The following RAP1B variants were observed in gnomAD, a reference collection of about 807,000 sequenced individuals.
RAP1B encodes the protein ras-related protein Rap-1b.
In RAP1B, 1 loss-of-function variant was observed where a neutral mutation model predicts 27.5. The ratio of observed to expected loss-of-function variants is 0.04; its 90% CI spans 0.01 to 0.17. The LOEUF (loss-of-function observed/expected upper bound fraction) is 0.17, where lower values mean the gene tolerates loss of function less well. Among genes scored for constraint, RAP1B ranks in the 10% least tolerant of loss-of-function variants. The pLI is 1.00. For synonymous variants in RAP1B, 75 were observed against 73.1 expected (o/e 1.03, Z -0.13); for missense variants, 84 against 214.8 (o/e 0.39, Z 3.81).
chr12:68,654,634 T>C (rs776046374), intron 5 of RAP1B, among the ~76,000 whole-genome samples: 2 of 151,908 alleles, frequency 1.3e-5, no homozygotes, highest in African/African-American at 4.8e-5. Context: ...CCTGCCACCA[T>C]GCCCAGCTAG....
intron 1 of RAP1B, among the ~76,000 whole-genome samples, chr12:68,634,573 G>C (rs1872498516): frequency 1.3e-5 from 2 of 151,160 alleles, no homozygotes; most frequent in Middle Eastern, 3.5e-3. Flanking sequence ...GTGATCTTGA[G>C]CCTATATTAT....
At chr12:68,631,311 T>A (rs2135934534) in intron 1 of RAP1B, among the ~76,000 whole-genome samples, 1 of 152,192 alleles carries the variant, frequency 6.6e-6, no homozygotes, top group East Asian at 1.9e-4. Context: ...CTGACCTCAT[T>A]TTTTGTTTTT....
chr12:68,671,478 A>C lies in RAP1B; in HGVS notation c.*12229A>C, dbSNP rs1031519686. ...GCATAATATAGAACATTATGCATTC[A>C]TTTAAAAATGAGTTTGATGTTTAAA... On this transcript the variant is annotated 3_prime_UTR_variant, in exon 8 of 8. Transcript: ENST00000250559. The C allele has an allele frequency of 2.0e-5, 3 of 152,242 alleles. No homozygotes were observed. The highest frequency in any genetic ancestry group is 7.2e-5 in the African/African-American group (3 of 41,468). 9.4% of individuals were successfully genotyped at this position (152,242 alleles called of 1,614,324 possible). A position where few individuals can be genotyped will look rare whatever the true frequency, so the allele number is the denominator to read the frequency against.
chr12:68,654,603 G>A lies in RAP1B; in HGVS notation c.324+351G>A, dbSNP rs181412038. On this transcript the variant is annotated intron_variant, in intron 5 of 7. Transcript: ENST00000250559. ...CGCCATTCTCCTGCCTCAGCCTCCCGGGTAGCTGGGACTACAGGCGCCTGC... is the reference window on the plus strand; with the variant it reads ...CGCCATTCTCCTGCCTCAGCCTCCCAGGTAGCTGGGACTACAGGCGCCTGC... Among the ~76,000 whole-genome samples the A allele has an allele frequency of 7.1e-3, 1,081 of 151,544 alleles. 36 individuals carry two copies. The highest frequency in any genetic ancestry group is 0.015 in the Admixed American group (231 of 15,208).
At chr12:68,618,847 G>A (rs1871203023) in intron 1 of RAP1B, among the ~76,000 whole-genome samples, 1 of 152,150 alleles carries the variant, frequency 6.6e-6, no homozygotes, top group African/African-American at 2.4e-5. Flanking sequence ...AAAATGGGAA[G>A]TATGCTTAAA....
chr12:68,629,118 C>G (rs1291035453), intron 1 of RAP1B, among the ~76,000 whole-genome samples: 2 of 152,168 alleles, frequency 1.3e-5, no homozygotes, highest in African/African-American at 4.8e-5. Flanking sequence ...TCCTGAGTAG[C>G]TAGGGCCACA....
At chr12:68,632,145 T>G (rs575781343) in intron 1 of RAP1B, among the ~76,000 whole-genome samples, 9,662 of 113,230 alleles carry the variant, frequency 0.085, 429 homozygotes, top group African/African-American at 0.1. Context: ...TTTTTTTTTT[T>G]GTTTGTTTTT....
intron 1 of RAP1B, among the ~76,000 whole-genome samples, chr12:68,622,023 C>A (rs977375444): frequency 1.3e-5 from 2 of 152,044 alleles, no homozygotes; most frequent in African/African-American, 2.4e-5. Context: ...GTAGTTAGAC[C>A]TTTTATTGTA....
chr12:68,650,650 T>TA, intron 3 of RAP1B, 182 bp downstream of exon 3: 1 of 456,898 alleles, frequency 2.2e-6, no homozygotes, highest in Non-Finnish European at 3.5e-6. Flanking sequence ...TAAACACCCA[T>TA]ACTCTCACAT....
intron 1 of RAP1B, among the ~76,000 whole-genome samples, chr12:68,616,063 A>G (rs1299801107): frequency 1.3e-5 from 2 of 151,248 alleles, no homozygotes; most frequent in South Asian, 2.1e-4. Context: ...TCCAGGGTTC[A>G]CGCCATTCAC....
intron 1 of RAP1B, among the ~76,000 whole-genome samples, chr12:68,647,392 C>G (rs1426433773): frequency 5.3e-4 from 14 of 26,518 alleles, no homozygotes; most frequent in African/African-American, 1.1e-3. Flanking sequence ...TCCCCGCCCC[C>G]CCCCCCCCCC....
chr12:68,618,981 C>T (rs1321604573), intron 1 of RAP1B, among the ~76,000 whole-genome samples: 2 of 152,042 alleles, frequency 1.3e-5, no homozygotes, highest in Non-Finnish European at 2.9e-5. Context: ...TCATGCACAT[C>T]TACAGCTACT....
At position 68,629,675 on chromosome 12, in the gene RAP1B, TATC is replaced by T. The variant is rs1380504863; in HGVS notation, c.-27+18636_-27+18638del. Reference sequence around the variant, plus strand: ...TAGGTTCCCTTTATATATACTGTTTTATCATCCTCATGAATGATCTTAAACAAC... The same window carrying T: ...TAGGTTCCCTTTATATATACTGTTTTATCCTCATGAATGATCTTAAACAAC... On this transcript the variant is annotated intron_variant, in intron 1 of 7. Coordinates refer to ENST00000250559, the MANE Select transcript of RAP1B (RefSeq NM_001010942.3). Among the ~76,000 whole-genome samples the T allele has an allele frequency of 2.6e-5, 4 of 152,334 alleles. No homozygotes were observed. The South Asian group carries it at 8.3e-4, about 32-fold the overall frequency.
chr12:68,633,639 G>A (rs1307730105), intron 1 of RAP1B, among the ~76,000 whole-genome samples: 1 of 152,194 alleles, frequency 6.6e-6, no homozygotes, highest in Non-Finnish European at 1.5e-5. Flanking sequence ...GGGAGGCCGA[G>A]GCAGGCGGCT....
chr12:68,615,281 G>C (rs2135908231), intron 1 of RAP1B, among the ~76,000 whole-genome samples: 1 of 151,810 alleles, frequency 6.6e-6, no homozygotes, highest in South Asian at 2.1e-4. Context: ...CTTAAAACAG[G>C]AAAAAATGAA....
intron 1 of RAP1B, among the ~76,000 whole-genome samples, chr12:68,645,238 C>T (rs1258578731): frequency 1.3e-5 from 2 of 152,084 alleles, no homozygotes; most frequent in Non-Finnish European, 2.9e-5. Context: ...TTAATTTTAC[C>T]TGGAAGGAAA....
At chr12:68,654,046 G>T (rs774628853) in intron 4 of RAP1B, 66 bp from the exon 5 acceptor site, 1 of 1,367,796 alleles carries the variant, frequency 7.3e-7, no homozygotes. Context: ...ATTATAGACT[G>T]TGAAAATTGT....
intron 1 of RAP1B, among the ~76,000 whole-genome samples, chr12:68,614,568 A>G (rs2135906984): frequency 6.6e-6 from 1 of 152,372 alleles, no homozygotes; most frequent in South Asian, 2.1e-4. Flanking sequence ...TCTGAGACAT[A>G]GGTTGTGACT....
rs1874547875 is a variant in RAP1B at position 68,660,706 on chromosome 12, T to G, written c.*1457T>G. The G allele has an allele frequency of 6.6e-6, 1 of 152,266 alleles. No homozygotes were observed. Among genetic ancestry groups the G allele is most frequent in the African/African-American group, 2.4e-5 (1 of 41,466 alleles). The allele number at this position is 152,266 out of a possible 1,614,324, so 9.4% of individuals were successfully genotyped here. A position where few individuals can be genotyped will look rare whatever the true frequency, so the allele number is the denominator to read the frequency against. On this transcript the variant is annotated 3_prime_UTR_variant, in exon 8 of 8. Transcript: ENST00000250559. ...AAGTAGCGAGTTTTCTGGTATTGTT[T>G]GAATATCCACATAACCACCTTTTGA... is the stretch of plus-strand genomic sequence containing the variant.
Sources: allele counts gnomAD v4.1 joint callset (sites outside exome capture counted in the v4.1 genomes callset), GRCh38; gene constraint gnomAD v4.1.1; transcripts MANE v1.5; gene names NCBI Gene and HGNC (gene_info 2026-07-23, HGNC 2026-07-21).